The following SEM1 variants were observed in gnomAD, a reference collection of about 807,000 sequenced individuals.
SEM1 encodes the protein SEM1 26S proteasome subunit, also known as 26S proteasome complex subunit SEM1.
A neutral mutation model predicts 12.7 loss-of-function variants in SEM1; 3 were observed. That is an observed-to-expected ratio of 0.24 (90% CI 0.11 to 0.61). SEM1 has a LOEUF of 0.61. Ranked by LOEUF, SEM1 falls within the 20% of genes least tolerant of loss-of-function variation. The probability of loss-of-function intolerance (pLI) is 0.88; values close to 1 mark genes in which losing one functional copy is unlikely to be tolerated. For missense variants in SEM1, 59 were observed against 81.3 expected, an observed-to-expected ratio of 0.73 and a Z score of 1.06; for synonymous variants, 30 against 27.8, an observed-to-expected ratio of 1.08 and a Z score of -0.25.
intron 2 of SEM1, among the ~76,000 whole-genome samples, chr7:96,571,353 T>C (rs934520700): frequency 2.6e-5 from 4 of 152,104 alleles, no homozygotes; most frequent in African/African-American, 9.7e-5. Context: ...CATTTAAGTC[T>C]TTAATCCATC....
Position 96,631,531 on chromosome 7 carries a change from C to T in SEM1, c.171-8888G>A, listed in dbSNP as rs563325877. Among the ~76,000 whole-genome samples, 3 of 152,204 alleles carry T rather than the reference C, an allele frequency of 2.0e-5. No homozygotes were observed. In the South Asian group the frequency reaches 6.2e-4, roughly 32 times the overall value. On this transcript the variant is annotated intron_variant, in intron 2 of 2. Coordinates refer to the SEM1 transcript ENST00000417009. Reference sequence around the variant, plus strand: ...TGTCGGTGATTCAAGACTGTTTTACCACCTCTTCAGTGCCTCTTTCAGTGA... The same window carrying T: ...TGTCGGTGATTCAAGACTGTTTTACTACCTCTTCAGTGCCTCTTTCAGTGA...
At chr7:96,683,930 G>A (rs1050549981), downstream of SEM1, among the ~76,000 whole-genome samples, 8 of 152,070 alleles carry the variant, frequency 5.3e-5, no homozygotes, top group Non-Finnish European at 1.0e-4. Context: ...TAATGTAGAT[G>A]ATGGGTTGAT....
intron 2 of SEM1, among the ~76,000 whole-genome samples, chr7:96,513,061 G>T (rs920883018): frequency 1.3e-5 from 2 of 152,124 alleles, no homozygotes; most frequent in African/African-American, 4.8e-5. Flanking sequence ...AGATGATCGA[G>T]TTAAGATGAG....
At chr7:96,659,837 G>T (rs1266006812) in intron 2 of SEM1, among the ~76,000 whole-genome samples, 1 of 142,012 alleles carries the variant, frequency 7.0e-6, no homozygotes, top group Non-Finnish European at 1.5e-5. Flanking sequence ...ATCCCACCAA[G>T]CCCCCCAAAA....
At chr7:96,631,166 C>T (rs1382864735) in intron 2 of SEM1, among the ~76,000 whole-genome samples, 4 of 152,130 alleles carry the variant, frequency 2.6e-5, no homozygotes, top group Non-Finnish European at 4.4e-5. Flanking sequence ...TCACATGCCC[C>T]GCTTAGCCCA....
intron 2 of SEM1, among the ~76,000 whole-genome samples, chr7:96,557,833 A>T (rs1805571040): frequency 6.6e-6 from 1 of 152,108 alleles, no homozygotes; most frequent in Non-Finnish European, 1.5e-5. Flanking sequence ...CTGTGCTAGC[A>T]ATCAGCCAGG....
chr7:96,557,890 G>T (rs181722451), intron 2 of SEM1, among the ~76,000 whole-genome samples: 1 of 152,192 alleles, frequency 6.6e-6, no homozygotes, highest in Non-Finnish European at 1.5e-5. Flanking sequence ...ATATAATCTC[G>T]TGGTGAGCCG....
chr7:96,518,050 T>C (rs182741433), intron 2 of SEM1, among the ~76,000 whole-genome samples: 25 of 152,278 alleles, frequency 1.6e-4, no homozygotes, highest in Admixed American at 1.6e-3. Context: ...GATATAGCAT[T>C]TGAAATTAGA....
chr7:96,642,484 C>A (rs182254414), intron 2 of SEM1, among the ~76,000 whole-genome samples: 1 of 151,892 alleles, frequency 6.6e-6, no homozygotes, highest in African/African-American at 2.4e-5. Context: ...TGTTTTCTGT[C>A]TCCCTCTTTT....
intron 2 of SEM1, among the ~76,000 whole-genome samples, chr7:96,582,507 C>T (rs1206612069): frequency 3.2e-4 from 48 of 151,254 alleles, no homozygotes; most frequent in African/African-American, 1.0e-3. Flanking sequence ...AGGGAGGATT[C>T]CCTCTTTTTC....
chr7:96,645,610 G>A (rs527760267), intron 2 of SEM1: 2 of 396,146 alleles, frequency 5.0e-6, no homozygotes, highest in African/African-American at 2.1e-5. Flanking sequence ...TCCATGACTG[G>A]AGCACAGGGA....
intron 2 of SEM1, among the ~76,000 whole-genome samples, chr7:96,572,641 G>A (rs1235694293): frequency 6.6e-6 from 1 of 152,210 alleles, no homozygotes; most frequent in Non-Finnish European, 1.5e-5. Flanking sequence ...ACTGTGGTCT[G>A]AGAGACTGTT....
chr7:96,578,893 TTCA>T (rs1364647280), intron 2 of SEM1, among the ~76,000 whole-genome samples: 1 of 152,166 alleles, frequency 6.6e-6, no homozygotes, highest in Non-Finnish European at 1.5e-5. Context: ...TTGTGAAGAA[TTCA>T]TTTTATGGAT....
chr7:96,581,557 T>C (rs902384100), intron 2 of SEM1, among the ~76,000 whole-genome samples: 17 of 152,324 alleles, frequency 1.1e-4, no homozygotes, highest in Non-Finnish European at 1.0e-4. Flanking sequence ...TAAATTACCT[T>C]GGGCAGTATG....
intron 2 of SEM1, among the ~76,000 whole-genome samples, chr7:96,639,276 GA>G (rs1808519886): frequency 6.6e-6 from 1 of 151,818 alleles, no homozygotes; most frequent in East Asian, 1.9e-4. Context: ...TTCGAACAAT[GA>G]AAAAGAACTA....
At chr7:96,692,853 A>G (rs1289662748) in intron 2 of SEM1, among the ~76,000 whole-genome samples, 2 of 152,128 alleles carry the variant, frequency 1.3e-5, no homozygotes, top group Non-Finnish European at 2.9e-5. Context: ...GACAGGTAAG[A>G]TAACTGCATT....
At chr7:96,486,499 CTG>C (rs1322748434) in intron 1 of SEM1, 18 of 1,096,736 alleles carry the variant, frequency 1.6e-5, no homozygotes, top group African/African-American at 3.1e-5. Flanking sequence ...CCACCTGGCC[CTG>C]TGTCTTCTCA....
chr7:96,684,392 A>G (rs985859951), downstream of SEM1, among the ~76,000 whole-genome samples: 2 of 151,592 alleles, frequency 1.3e-5, no homozygotes, highest in Non-Finnish European at 2.9e-5. Flanking sequence ...CCCCACCCTG[A>G]GCTGGGAATG....
chr7:96,644,059 A>G (rs1465331325), intron 2 of SEM1, among the ~76,000 whole-genome samples: 1 of 151,886 alleles, frequency 6.6e-6, no homozygotes, highest in African/African-American at 2.4e-5. Flanking sequence ...ACTTGCCATT[A>G]GGTGTAACCC....
Sources: allele counts gnomAD v4.1 joint callset (sites outside exome capture counted in the v4.1 genomes callset), GRCh38; gene constraint gnomAD v4.1.1; transcripts MANE v1.5; gene names NCBI Gene and HGNC (gene_info 2026-07-23, HGNC 2026-07-21).